Variants in XPO6 observed in about 807,000 individuals in gnomAD.
XPO6 encodes the protein exportin-6.
Under a neutral mutation model 130.0 loss-of-function variants are expected in XPO6, and 3 were observed. The observed-to-expected ratio is 0.02, with a 90% CI of 0.01 to 0.06. The LOEUF is 0.06. XPO6 is among the 10% of genes least tolerant of loss of function. The pLI is 1.00. For synonymous variants in XPO6, 524 were observed against 548.9 expected (o/e 0.95, Z 0.63); for missense variants, 970 against 1,393.0 (o/e 0.70, Z 4.83).
chr16:28,176,655 G>A (rs1056289797), intron 3 of XPO6, among the ~76,000 whole-genome samples: 31 of 150,868 alleles, frequency 2.1e-4, no homozygotes, highest in African/African-American at 6.8e-4. Flanking sequence ...CCGCCACCAC[G>A]CCCGGCTAAT....
At chr16:28,100,497 G>T (rs2086633128) in intron 23 of XPO6, among the ~76,000 whole-genome samples, 1 of 152,214 alleles carries the variant, frequency 6.6e-6, no homozygotes. Context: ...ATGAGTCTAA[G>T]CAAAAGCTTC....
At position 28,117,834 on chromosome 16, in the gene XPO6, G is replaced by A. The variant is rs189806454; in HGVS notation, c.1860-372C>T. On this transcript the variant is annotated intron_variant, in intron 14 of 23. Transcript: ENST00000304658. ...AACATTCCTAGCTGCAGACTAAAGCGTAGACAACTACCAGGTGTGACAGCT... is the reference window on the plus strand; with the variant it reads ...AACATTCCTAGCTGCAGACTAAAGCATAGACAACTACCAGGTGTGACAGCT... Among the ~76,000 whole-genome samples the A allele has an allele frequency of 1.2e-4, 18 of 152,314 alleles. No homozygotes were observed. In the East Asian group the frequency reaches 2.3e-3, roughly 20 times the overall value.
At chr16:28,102,061 G>A in intron 21 of XPO6, 116 bp from the exon 22 acceptor site, 1 of 792,934 alleles carries the variant, frequency 1.3e-6, no homozygotes. Flanking sequence ...GATGCTTCTG[G>A]CCCACCAGCT....
At chr16:28,128,792 G>A (rs754216129) in intron 12 of XPO6, among the ~76,000 whole-genome samples, 7 of 152,140 alleles carry the variant, frequency 4.6e-5, no homozygotes, top group Non-Finnish European at 8.8e-5. Context: ...CACGGGTAAA[G>A]TAAATCTCCC....
intron 13 of XPO6, among the ~76,000 whole-genome samples, chr16:28,122,796 C>T (rs1018808769): frequency 6.6e-6 from 1 of 151,948 alleles, no homozygotes; most frequent in East Asian, 1.9e-4. Context: ...AAAAAAAATA[C>T]AGCAAACTGT....
chr16:28,207,062 C>A (rs1456977223), intron 1 of XPO6, among the ~76,000 whole-genome samples: 1 of 152,040 alleles, frequency 6.6e-6, no homozygotes, highest in African/African-American at 2.4e-5. Flanking sequence ...GCCTGACCAA[C>A]GTGGTGAAAC....
chr16:28,098,674 C>T, intron 23 of XPO6, 35 bp from the exon 24 acceptor site: 1 of 1,525,562 alleles, frequency 6.6e-7, no homozygotes, highest in Non-Finnish European at 9.0e-7. Flanking sequence ...GCCAACAACA[C>T]ACCAGGTCAC....
chr16:28,128,159 A>G (rs117376252), intron 12 of XPO6, among the ~76,000 whole-genome samples: 2,056 of 152,256 alleles, frequency 0.014, 25 homozygotes, highest in Non-Finnish European at 0.021. Context: ...TCTGAATGTC[A>G]ATGGGATTTT....
chr16:28,121,619 T>G (rs747555815), intron 14 of XPO6, 51 bp downstream of exon 14: 7 of 1,325,252 alleles, frequency 5.3e-6, no homozygotes, highest in Non-Finnish European at 6.5e-6. Flanking sequence ...ATTTGGAGAT[T>G]GGGGGCAAGG....
intron 15 of XPO6, among the ~76,000 whole-genome samples, chr16:28,113,710 AC>A (rs1227665775): frequency 1.3e-5 from 2 of 152,236 alleles, no homozygotes; most frequent in East Asian, 3.9e-4. Flanking sequence ...ATTACCTATA[AC>A]CTATAATACT....
At chr16:28,107,395 C>T (rs1048598119) in intron 18 of XPO6, 127 bp downstream of exon 18, 16 of 1,133,616 alleles carry the variant, frequency 1.4e-5, no homozygotes, top group Middle Eastern at 3.1e-4. Context: ...CCCTCAGTAC[C>T]GGGTTTCGTT....
chr16:28,188,942 C>T (rs1423450366), intron 1 of XPO6, among the ~76,000 whole-genome samples: 1 of 152,042 alleles, frequency 6.6e-6, no homozygotes, highest in Non-Finnish European at 1.5e-5. Context: ...TTTTGCATCC[C>T]AGCCCGTAGA....
Position 28,101,666 on chromosome 16 carries a change from A to C in XPO6, c.3068T>G (p.Leu1023Arg), listed in dbSNP as rs768619284. 2 of 1,609,104 alleles carry C rather than the reference A, an allele frequency of 1.2e-6. No individual in the cohort carries two copies. Among genetic ancestry groups the C allele is most frequent in the African/African-American group, 2.7e-5 (2 of 74,858 alleles). ...YHKKIFRTAMLFQFVNVLLQV... is the reference protein window; with the variant it reads ...YHKKIFRTAMRFQFVNVLLQV... ...GAGCAGCACGTTCACAAACTGGAAC[A>C]GCATGGCAGTCCGGAAGATCTTCTG... is the stretch of plus-strand genomic sequence containing the variant. The change falls in exon 23 of 24, where the codon CTG becomes CGG. Residue 1023 changes from leucine to arginine, a missense_variant. Physicochemically the swap from Leu to Arg is moderately radical, Grantham distance 102. This residue lies in a region of XPO6 where 936 missense variants were observed against 1,306.8 expected (regional missense o/e 0.72). Coordinates refer to ENST00000304658, the MANE Select transcript of XPO6 (RefSeq NM_015171.4). This position sits in a 1 kb window ranked among gnomAD's most constrained non-coding sequence, Gnocchi z 5.4.
At chr16:28,161,301 G>T (rs1032240642) in intron 6 of XPO6, among the ~76,000 whole-genome samples, 1 of 152,124 alleles carries the variant, frequency 6.6e-6, no homozygotes. Flanking sequence ...AGGGTTTGGG[G>T]GACTTCCAGG....
chr16:28,155,396 G>A (rs1038873748), intron 7 of XPO6, among the ~76,000 whole-genome samples: 13 of 151,560 alleles, frequency 8.6e-5, no homozygotes, highest in African/African-American at 3.2e-4. Flanking sequence ...ATCTGCAAGA[G>A]ACATAAATCA....
intron 23 of XPO6, among the ~76,000 whole-genome samples, chr16:28,099,561 G>A (rs974696308): frequency 3.9e-5 from 6 of 152,326 alleles, no homozygotes; most frequent in South Asian, 4.1e-4. Flanking sequence ...CTCCTGCTTC[G>A]CAGCTCTACC....
At chr16:28,107,947 C>T (rs2086823630) in intron 17 of XPO6, among the ~76,000 whole-genome samples, 1 of 152,096 alleles carries the variant, frequency 6.6e-6, no homozygotes, top group African/African-American at 2.4e-5. Context: ...AGGTTTTTGC[C>T]TCTGTTTTGC....
intron 15 of XPO6, among the ~76,000 whole-genome samples, chr16:28,114,370 G>A (rs2087003569): frequency 6.6e-6 from 1 of 152,128 alleles, no homozygotes; most frequent in Non-Finnish European, 1.5e-5. Flanking sequence ...AGGATATACA[G>A]GCATACCTCA....
At chr16:28,124,403 C>T (rs1461597606) in intron 13 of XPO6, among the ~76,000 whole-genome samples, 1 of 152,130 alleles carries the variant, frequency 6.6e-6, no homozygotes, top group Non-Finnish European at 1.5e-5. Flanking sequence ...AGAGTAAGTT[C>T]AAATAATGGA....
Sources: allele counts gnomAD v4.1 joint callset (sites outside exome capture counted in the v4.1 genomes callset), GRCh38; gene constraint gnomAD v4.1.1; regional missense constraint gnomAD v4.1.1; non-coding constraint Gnocchi (gnomAD v3.1); transcripts MANE v1.5; gene names NCBI Gene and HGNC (gene_info 2026-07-23, HGNC 2026-07-21).